Variants in PLCH1 observed in about 807,000 individuals in gnomAD.
The protein encoded by PLCH1 is 1-phosphatidylinositol 4,5-bisphosphate phosphodiesterase eta-1.
Under a neutral mutation model 126.7 loss-of-function variants are expected in PLCH1, and 60 were observed. That is an observed-to-expected ratio of 0.47 (90% CI 0.38 to 0.59). The LOEUF (loss-of-function observed/expected upper bound fraction) is 0.59. Ranked by LOEUF, PLCH1 falls within the 20% of genes least tolerant of loss-of-function variation. The probability of loss-of-function intolerance (pLI) is 0.00; values close to 1 mark genes in which losing one functional copy is unlikely to be tolerated. For synonymous variants in PLCH1, 719 were observed against 734.9 expected, an observed-to-expected ratio of 0.98 and a Z score of 0.35; for missense variants, 1,723 against 2,040.0, an observed-to-expected ratio of 0.84 and a Z score of 2.99.
chr3:155,710,165 T>G (rs1162599191), intron 1 of PLCH1, among the ~76,000 whole-genome samples: 1 of 151,720 alleles, frequency 6.6e-6, no homozygotes, highest in Non-Finnish European at 1.5e-5. Context: ...TTTTTGTATT[T>G]TTTTAGTAGA....
intron 10 of PLCH1, among the ~76,000 whole-genome samples, chr3:155,526,580 G>A (rs1039981929): frequency 1.3e-5 from 2 of 151,862 alleles, no homozygotes; most frequent in East Asian, 3.9e-4. Context: ...AGGGAGGTGA[G>A]AGAGGCCTCA....
At chr3:155,519,780 T>G (rs1720829968) in intron 11 of PLCH1, among the ~76,000 whole-genome samples, 1 of 126,832 alleles carries the variant, frequency 7.9e-6, no homozygotes, top group South Asian at 2.4e-4. Context: ...GACCTTTGCT[T>G]TAAAAAAAAA....
rs548423028 is a variant in PLCH1, at chr3:155,666,848, T to C, written c.79+37298A>G. ...AAAAAATATAAGTAGAAAACTAATA[T>C]AGGTTGTCAAACCTGAGAAAAAGGA... is the stretch of plus-strand genomic sequence containing the variant. On this transcript the variant is annotated intron_variant, in intron 2 of 22. Coordinates refer to ENST00000460012, the MANE Select transcript of PLCH1 (RefSeq NM_014996.4). Among the ~76,000 whole-genome samples the C allele has an allele frequency of 1.2e-4, 18 of 152,086 alleles. No individual in the cohort carries two copies. In the East Asian group the frequency reaches 2.7e-3, roughly 23 times the overall value.
intron 2 of PLCH1, among the ~76,000 whole-genome samples, chr3:155,628,469 C>T (rs573684693): frequency 6.6e-6 from 1 of 151,820 alleles, no homozygotes; most frequent in South Asian, 2.1e-4. Flanking sequence ...TTGATCATAT[C>T]CTTTTGCCAT....
intron 8 of PLCH1, among the ~76,000 whole-genome samples, chr3:155,556,150 C>T (rs370481408): frequency 6.6e-5 from 10 of 152,244 alleles, no homozygotes; most frequent in East Asian, 3.9e-4. Flanking sequence ...CTTTAGAGTT[C>T]GAGACCGGCC....
chr3:155,623,126 A>G (rs1300507305), intron 2 of PLCH1, among the ~76,000 whole-genome samples: 1 of 152,154 alleles, frequency 6.6e-6, no homozygotes, highest in Non-Finnish European at 1.5e-5. Context: ...AAACCACACA[A>G]CTACATGGAA....
intron 2 of PLCH1, among the ~76,000 whole-genome samples, chr3:155,603,921 G>A (rs910476009): frequency 9.2e-5 from 14 of 152,012 alleles, no homozygotes; most frequent in African/African-American, 3.4e-4. Flanking sequence ...CACATAGGGA[G>A]ACCTGGTCTC....
intron 7 of PLCH1, among the ~76,000 whole-genome samples, chr3:155,566,901 A>C (rs9881204): frequency 0.045 from 6,862 of 152,182 alleles, 214 homozygotes; most frequent in Non-Finnish European, 0.068. Context: ...TCAGAGACTT[A>C]ATTTCTTCAT....
rs142571421 is a variant in PLCH1 at position 155,554,086 on chromosome 3, C to T, written c.1180G>A (p.Val394Met). ...VVETINKHAF[V>M]KNEFPVILSI... Reference sequence around the variant, plus strand: ...TGCTGCTTTACTTACTCATTCTTCACAAAGGCATGCTTGTTGATGGTCTCC... The same window carrying T: ...TGCTGCTTTACTTACTCATTCTTCATAAAGGCATGCTTGTTGATGGTCTCC... The change falls in exon 9 of 23, where the codon GTG (valine) becomes ATG (methionine). Residue 394 changes from valine to methionine, a missense_variant. Coordinates refer to ENST00000460012, the MANE Select transcript of PLCH1 (RefSeq NM_014996.4). The T allele has an allele frequency of 6.9e-5, 111 of 1,613,808 alleles. No homozygotes were observed. The highest frequency in any genetic ancestry group is 9.3e-5 in the Non-Finnish European group (110 of 1,179,832).
At chr3:155,593,170 T>G (rs1732437442) in intron 4 of PLCH1, among the ~76,000 whole-genome samples, 1 of 151,906 alleles carries the variant, frequency 6.6e-6, no homozygotes, top group South Asian at 2.1e-4. Flanking sequence ...ATTCAAAAGG[T>G]GAAGAAGGGA....
At chr3:155,473,834 C>T (rs1251692487) in intron 21 of PLCH1, among the ~76,000 whole-genome samples, 25 of 151,396 alleles carry the variant, frequency 1.7e-4, no homozygotes, top group African/African-American at 5.8e-4. Context: ...GAAAGGATTC[C>T]CTATTTAATA....
intron 2 of PLCH1, among the ~76,000 whole-genome samples, chr3:155,655,437 A>AG (rs1424133305): frequency 7.1e-6 from 1 of 141,190 alleles, no homozygotes; most frequent in African/African-American, 2.7e-5. Context: ...GTGAGAAAAA[A>AG]AAAAAGAAGA....
At chr3:155,566,047 C>A (rs1453986805) in intron 7 of PLCH1, among the ~76,000 whole-genome samples, 2 of 147,262 alleles carry the variant, frequency 1.4e-5, no homozygotes, top group East Asian at 3.9e-4. Context: ...GTCAAATAGA[C>A]AGTGTCAAAA....
At chr3:155,492,899 A>G (rs1357647286) in intron 17 of PLCH1, 46 bp from the exon 18 acceptor site, 1 of 1,482,500 alleles carries the variant, frequency 6.7e-7, no homozygotes, top group African/African-American at 1.4e-5. Flanking sequence ...AGAAACACAC[A>G]CGCATGCACA....
intron 2 of PLCH1, among the ~76,000 whole-genome samples, chr3:155,650,999 T>C (rs1740649414): frequency 1.3e-5 from 2 of 152,102 alleles, no homozygotes; most frequent in South Asian, 2.1e-4. Context: ...GATCACATCA[T>C]TGTACTCCAG....
intron 2 of PLCH1, among the ~76,000 whole-genome samples, chr3:155,660,247 T>G (rs1250328419): frequency 6.6e-6 from 1 of 152,194 alleles, no homozygotes; most frequent in Non-Finnish European, 1.5e-5. Flanking sequence ...GGATATAACA[T>G]CTTTTGGGAA....
At chr3:155,737,834 A>T (rs146180192) in intron 1 of PLCH1, among the ~76,000 whole-genome samples, 1 of 152,120 alleles carries the variant, frequency 6.6e-6, no homozygotes, top group South Asian at 2.1e-4. Context: ...CAGAAGTTTT[A>T]TTAGCACTCC....
chr3:155,658,191 G>T, intron 2 of PLCH1: 1 of 207,792 alleles, frequency 4.8e-6, no homozygotes. Context: ...AGGAAACTGC[G>T]AGGCAACATC....
chr3:155,471,736 C>A (rs1373014209), intron 21 of PLCH1, among the ~76,000 whole-genome samples: 1 of 151,460 alleles, frequency 6.6e-6, no homozygotes, highest in East Asian at 1.9e-4. Context: ...TCTCTCAGAC[C>A]ACAGTGCAAT....
Sources: allele counts gnomAD v4.1 joint callset (sites outside exome capture counted in the v4.1 genomes callset), GRCh38; gene constraint gnomAD v4.1.1; transcripts MANE v1.5; gene names NCBI Gene and HGNC (gene_info 2026-07-23, HGNC 2026-07-21).